Variants in SNX29 observed in about 807,000 individuals in gnomAD.
SNX29 encodes the protein sorting nexin 29, also known as sorting nexin-29.
In SNX29, 78 loss-of-function variants were observed where a neutral mutation model predicts 102.1. The observed-to-expected ratio is 0.76, with a 90% CI of 0.64 to 0.92. The LOEUF is 0.92. SNX29 is among the 40% of genes least tolerant of loss of function. The pLI is 0.00. For synonymous variants in SNX29, 580 were observed against 414.5 expected (o/e 1.40, Z -4.85); for missense variants, 1,280 against 1,061.7 (o/e 1.21, Z -2.86).
intron 18 of SNX29, among the ~76,000 whole-genome samples, chr16:12,451,274 T>C (rs1469246862): frequency 1.3e-5 from 2 of 152,234 alleles, no homozygotes. Flanking sequence ...GGAGATGCTC[T>C]GTAATAGAAA....
intron 14 of SNX29, among the ~76,000 whole-genome samples, chr16:12,220,680 T>G (rs1166595150): frequency 6.6e-6 from 1 of 152,272 alleles, no homozygotes; most frequent in African/African-American, 2.4e-5. Flanking sequence ...ATTTTTCTTT[T>G]CTTTTCCTTT....
At position 12,570,595 on chromosome 16, in the gene SNX29, C is replaced by G. The variant is rs188525258; in HGVS notation, c.*1966C>G. On this transcript the variant is annotated 3_prime_UTR_variant, in exon 21 of 21. Coordinates refer to ENST00000566228, the MANE Select transcript of SNX29 (RefSeq NM_032167.5). ...TGCCTCCCTGGCCTGGGTAGCTACC[C>G]TGGAGGTCATCTCCCTGTTCTCTGT... The G allele has an allele frequency of 2.7e-4, 62 of 232,224 alleles. No homozygotes were observed. In the East Asian group the frequency reaches 3.4e-3, roughly 13 times the overall value. 14.4% of individuals were successfully genotyped at this position (232,224 alleles called of 1,614,324 possible). A position where few individuals can be genotyped will look rare whatever the true frequency, so the allele number is the denominator to read the frequency against.
At chr16:12,195,530 A>G (rs1302773937) in intron 13 of SNX29, among the ~76,000 whole-genome samples, 2 of 152,192 alleles carry the variant, frequency 1.3e-5, no homozygotes, top group East Asian at 3.8e-4. Context: ...CCATAACTCG[A>G]GGAAAGTTCC....
intron 13 of SNX29, among the ~76,000 whole-genome samples, chr16:12,148,882 A>G (rs150769780): frequency 1.5e-3 from 226 of 151,998 alleles, no homozygotes; most frequent in African/African-American, 5.2e-3. Context: ...TTGTATTTTT[A>G]GTAGAGACAG....
At position 12,410,547 on chromosome 16, in the gene SNX29, G is replaced by A. The variant is rs895522576; in HGVS notation, c.2037+7018G>A. ...TTTCAGCCTTGAATTTCCAGGTCAA[G>A]CAATCCTCCTGCCTCAGCCTCCTAA... On this transcript the variant is annotated intron_variant, in intron 18 of 20. Coordinates refer to ENST00000566228, the MANE Select transcript of SNX29 (RefSeq NM_032167.5). 4.6e-5 allele frequency among the ~76,000 whole-genome samples: 7 copies of A among 152,116 alleles called. No individual in the cohort carries two copies. In the East Asian group the frequency reaches 7.7e-4, roughly 17 times the overall value.
At position 12,406,459 on chromosome 16, in the gene SNX29, G is replaced by T. The variant is rs1363854694; in HGVS notation, c.2037+2930G>T. Among the ~76,000 whole-genome samples the T allele has an allele frequency of 2.0e-5, 3 of 152,312 alleles. No individual in the cohort carries two copies. The East Asian group carries it at 5.8e-4, about 29-fold the overall frequency. On this transcript the variant is annotated intron_variant, in intron 18 of 20. Coordinates refer to ENST00000566228, the MANE Select transcript of SNX29 (RefSeq NM_032167.5). ...TGGTTTTCTTAAGATTTCCCTTGAA[G>T]GAAACCAAGGGCATAACCCCAAAGT...
At position 12,571,635 on chromosome 16, in the gene SNX29, C is replaced by T. The variant is rs1004011478; in HGVS notation, c.*3006C>T. ...CATCTTTCACATCTTTTTTTCTCCC[C>T]CAGATGAAAGACGACTCAGGAACGG... is the stretch of plus-strand genomic sequence containing the variant. On this transcript the variant is annotated 3_prime_UTR_variant, in exon 21 of 21. Transcript: ENST00000566228. 15 of 1,059,368 alleles carry T rather than the reference C, an allele frequency of 1.4e-5. No individual in the cohort carries two copies. The South Asian group carries it at 5.0e-4, about 35-fold the overall frequency. 65.6% of individuals were successfully genotyped at this position (1,059,368 alleles called of 1,614,324 possible).
At chr16:12,178,580 G>A (rs993024695) in intron 13 of SNX29, among the ~76,000 whole-genome samples, 2 of 152,178 alleles carry the variant, frequency 1.3e-5, no homozygotes, top group Non-Finnish European at 2.9e-5. Context: ...CCAACAGTTG[G>A]GAAGCTCGCT....
chr16:12,203,457 G>A (rs537727762), intron 14 of SNX29, among the ~76,000 whole-genome samples: 1 of 151,790 alleles, frequency 6.6e-6, no homozygotes, highest in Admixed American at 6.6e-5. Context: ...TGTGTAGTGT[G>A]GCCTTGCTGT....
In SNX29 at chr16:12,399,254, G is replaced by C. The variant is rs143728998; in HGVS notation, c.1955+753G>C. Among the ~76,000 whole-genome samples, 166 of 152,254 alleles carry C rather than the reference G, an allele frequency of 1.1e-3. 1 individual carries two copies. Among genetic ancestry groups the C allele is most frequent in the African/African-American group, 4.0e-3 (165 of 41,550 alleles). On this transcript the variant is annotated intron_variant, in intron 17 of 20. Coordinates refer to ENST00000566228, the MANE Select transcript of SNX29 (RefSeq NM_032167.5). The stretch of plus-strand genomic sequence containing the variant: ...TTTACTAGAGATGGGGTTTCTTCCT[G>C]TTGACCAGGCTGGTCTCGAACTCCT...
intron 14 of SNX29, among the ~76,000 whole-genome samples, chr16:12,233,665 G>T (rs1035418259): frequency 1.3e-5 from 2 of 152,162 alleles, no homozygotes; most frequent in African/African-American, 4.8e-5. Context: ...TTTAGTGTAT[G>T]ATTTAATGAT....
rs939470600 is a variant in SNX29, at chr16:12,565,209, G to C, written c.2319-3297G>C. Among the ~76,000 whole-genome samples, 12 of 152,156 alleles carry C rather than the reference G, an allele frequency of 7.9e-5. No homozygotes were observed. The East Asian group carries it at 9.6e-4, about 12-fold the overall frequency. ...ACCTTCAGATTCTGCTATTCAGCCA[G>C]ACAGCATTACCAGTATTAGGCTGTT... On this transcript the variant is annotated intron_variant, in intron 20 of 20. Transcript: ENST00000566228.
chr16:12,537,290 C>T (rs763251317), intron 20 of SNX29, among the ~76,000 whole-genome samples: 3 of 152,172 alleles, frequency 2.0e-5, no homozygotes, highest in Non-Finnish European at 2.9e-5. Context: ...TAGTGTGGTA[C>T]ATGTTTGGAT....
At chr16:12,466,858 C>T (rs745395679) in intron 18 of SNX29, among the ~76,000 whole-genome samples, 7 of 152,202 alleles carry the variant, frequency 4.6e-5, no homozygotes, top group African/African-American at 1.7e-4. Context: ...AAAGTGGAGA[C>T]TGTTCCATGA....
At chr16:12,414,284 G>T (rs1438309568) in intron 18 of SNX29, among the ~76,000 whole-genome samples, 11 of 152,292 alleles carry the variant, frequency 7.2e-5, no homozygotes, top group Admixed American at 5.9e-4. Flanking sequence ...TGAGGTAAGA[G>T]AATTGCTTGA....
At chr16:12,532,318 C>T (rs530369647) in intron 20 of SNX29, among the ~76,000 whole-genome samples, 6 of 152,314 alleles carry the variant, frequency 3.9e-5, no homozygotes, top group Admixed American at 6.5e-5. Context: ...GACTCTGTAG[C>T]GTCATGAGCC....
At chr16:12,294,206 T>C (rs1043459745) in intron 15 of SNX29, among the ~76,000 whole-genome samples, 3 of 152,216 alleles carry the variant, frequency 2.0e-5, no homozygotes, top group South Asian at 2.1e-4. Flanking sequence ...CTGGGAATCA[T>C]CATTTCCAAT....
At chr16:12,025,621 G>A (rs1239268987) in intron 3 of SNX29, among the ~76,000 whole-genome samples, 1 of 152,208 alleles carries the variant, frequency 6.6e-6, no homozygotes, top group African/African-American at 2.4e-5. Context: ...TGCAGGGCCA[G>A]CTTTGGTCAT....
intron 1 of SNX29, among the ~76,000 whole-genome samples, chr16:11,980,995 C>T (rs573101310): frequency 1.0e-4 from 15 of 149,738 alleles, no homozygotes; most frequent in African/African-American, 3.2e-4. Flanking sequence ...GAGTCTTGCT[C>T]TATCACCCAG....
Sources: allele counts gnomAD v4.1 joint callset (sites outside exome capture counted in the v4.1 genomes callset), GRCh38; gene constraint gnomAD v4.1.1; transcripts MANE v1.5; gene names NCBI Gene and HGNC (gene_info 2026-07-23, HGNC 2026-07-21).